The following TMEM132D variants were observed in gnomAD, a reference collection of about 807,000 sequenced individuals.
TMEM132D encodes the protein mature OL transmembrane protein.
A neutral mutation model predicts 62.3 loss-of-function variants in TMEM132D; 21 were observed. That is an observed-to-expected ratio of 0.34 (90% CI 0.24 to 0.49). The LOEUF (loss-of-function observed/expected upper bound fraction) is 0.49. Ranked by LOEUF, TMEM132D falls within the 20% of genes least tolerant of loss-of-function variation. The pLI is 0.99. For missense variants in TMEM132D, 1,346 were observed against 1,402.8 expected, an observed-to-expected ratio of 0.96 and a Z score of 0.65; for synonymous variants, 621 against 575.6, an observed-to-expected ratio of 1.08 and a Z score of -1.13.
intron 1 of TMEM132D, among the ~76,000 whole-genome samples, chr12:129,747,942 C>G (rs1341713288): frequency 1.3e-5 from 2 of 152,170 alleles, no homozygotes; most frequent in East Asian, 3.8e-4. Context: ...CACTCATCAC[C>G]GCGGACAGGC....
intron 4 of TMEM132D, among the ~76,000 whole-genome samples, chr12:129,300,269 C>T (rs1018742638): frequency 6.6e-6 from 1 of 152,174 alleles, no homozygotes; most frequent in Admixed American, 6.5e-5. Context: ...CAAAGCAAGG[C>T]AAGTTGCCAC....
Position 129,073,852 on chromosome 12 carries a change from A to T in TMEM132D, c.*23T>A, listed in dbSNP as rs747461491. On this transcript the variant is annotated 3_prime_UTR_variant, in exon 9 of 9. Transcript: ENST00000422113. ...ATTAAAGGCTGAAAGGTGAGTGAGA[A>T]CCAATGTCTGTGTGTGTCTGGCTTA... is the stretch of plus-strand genomic sequence containing the variant. 5 of 1,513,950 alleles carry T rather than the reference A, an allele frequency of 3.3e-6. No individual in the cohort carries two copies. The highest frequency in any genetic ancestry group is 2.3e-5 in the Admixed American group (1 of 44,404). The allele number at this position is 1,513,950 out of a possible 1,614,324, so 93.8% of individuals were successfully genotyped here.
chr12:129,226,540 G>A (rs763239410), intron 4 of TMEM132D, among the ~76,000 whole-genome samples: 6 of 152,206 alleles, frequency 3.9e-5, no homozygotes, highest in Non-Finnish European at 8.8e-5. Flanking sequence ...GGTGGTAATG[G>A]TCACCTGGTA....
At chr12:129,372,191 G>A (rs1870625059) in intron 3 of TMEM132D, among the ~76,000 whole-genome samples, 1 of 152,202 alleles carries the variant, frequency 6.6e-6, no homozygotes, top group African/African-American at 2.4e-5. Context: ...AAGTAGCTCT[G>A]CCAACAGCTT....
intron 3 of TMEM132D, among the ~76,000 whole-genome samples, chr12:129,343,142 C>G (rs1869552825): frequency 6.6e-6 from 1 of 152,110 alleles, no homozygotes; most frequent in East Asian, 1.9e-4. Flanking sequence ...TTTATTGCGG[C>G]ACTATTCACA....
chr12:129,886,366 G>C (rs1052613497), intron 1 of TMEM132D, among the ~76,000 whole-genome samples: 1 of 152,132 alleles, frequency 6.6e-6, no homozygotes, highest in Non-Finnish European at 1.5e-5. Context: ...CTGTGTGTGA[G>C]AGAGAGAAGA....
At chr12:129,660,168 A>G (rs987150904) in intron 2 of TMEM132D, among the ~76,000 whole-genome samples, 2 of 152,178 alleles carry the variant, frequency 1.3e-5, no homozygotes, top group African/African-American at 4.8e-5. Flanking sequence ...AGAGAGAGAG[A>G]GAGAGAGGCT....
intron 2 of TMEM132D, among the ~76,000 whole-genome samples, chr12:129,595,882 T>C (rs571591765): frequency 3.8e-4 from 58 of 152,230 alleles, no homozygotes; most frequent in Admixed American, 1.7e-3. Context: ...AGAGAAATGC[T>C]GATTTTTATG....
chr12:129,398,311 G>C (rs1296927693), intron 3 of TMEM132D, among the ~76,000 whole-genome samples: 2 of 152,170 alleles, frequency 1.3e-5, no homozygotes, highest in Non-Finnish European at 2.9e-5. Context: ...TCCCTGTGAA[G>C]CTTGTCACTT....
In TMEM132D at chr12:129,314,474, G is replaced by C. The variant is rs111694180; in HGVS notation, c.1299+23160C>G. On this transcript the variant is annotated intron_variant, in intron 4 of 8. Coordinates refer to ENST00000422113, the MANE Select transcript of TMEM132D (RefSeq NM_133448.3). ...TCTCTATTCTGTTCCATTGGTCTGTGTGCCTATTTTTATACCAGTACCATG... is the reference window on the plus strand; with the variant it reads ...TCTCTATTCTGTTCCATTGGTCTGTCTGCCTATTTTTATACCAGTACCATG... Among the ~76,000 whole-genome samples, 1,001 of 152,252 alleles carry C rather than the reference G, an allele frequency of 6.6e-3. 4 individuals are homozygous for C. The highest frequency in any genetic ancestry group is 0.01 in the Non-Finnish European group (682 of 68,006).
chr12:129,740,353 C>CA (rs1331714283), intron 1 of TMEM132D, among the ~76,000 whole-genome samples: 3 of 152,202 alleles, frequency 2.0e-5, no homozygotes, highest in Non-Finnish European at 2.9e-5. Context: ...ATTCAACAAA[C>CA]ATTCATGCTT....
intron 2 of TMEM132D, among the ~76,000 whole-genome samples, chr12:129,635,273 TTC>T (rs1879447063): frequency 6.6e-6 from 1 of 152,240 alleles, no homozygotes; most frequent in African/African-American, 2.4e-5. Context: ...CCCTCTTTCT[TTC>T]TCTCTCTTTT....
At chr12:129,894,815 A>G (rs1480599787) in intron 1 of TMEM132D, among the ~76,000 whole-genome samples, 2 of 151,960 alleles carry the variant, frequency 1.3e-5, no homozygotes, top group African/African-American at 4.8e-5. Context: ...CGAATCTCCA[A>G]GTCTTTTTAC....
At chr12:129,250,967 T>C (rs536826262) in intron 4 of TMEM132D, among the ~76,000 whole-genome samples, 2 of 152,326 alleles carry the variant, frequency 1.3e-5, no homozygotes, top group Admixed American at 1.3e-4. Context: ...TCTGAAGATG[T>C]GCTTAGTTGC....
intron 2 of TMEM132D, among the ~76,000 whole-genome samples, chr12:129,612,056 C>T (rs1032817707): frequency 6.6e-6 from 1 of 152,182 alleles, no homozygotes; most frequent in African/African-American, 2.4e-5. Context: ...CCACCCTAGA[C>T]CCAACATGCA....
At chr12:129,604,299 C>T (rs899210604) in intron 2 of TMEM132D, among the ~76,000 whole-genome samples, 3 of 152,134 alleles carry the variant, frequency 2.0e-5, no homozygotes, top group East Asian at 1.9e-4. Context: ...CAAACCTGCA[C>T]GTTCAGCACA....
intron 1 of TMEM132D, among the ~76,000 whole-genome samples, chr12:129,792,162 G>T (rs2137299324): frequency 6.6e-6 from 1 of 152,306 alleles, no homozygotes; most frequent in East Asian, 1.9e-4. Context: ...TGTCAACGAT[G>T]CTCTTGCCGG....
chr12:129,638,548 C>CATAA (rs1879550090), intron 2 of TMEM132D, among the ~76,000 whole-genome samples: 1 of 42,986 alleles, frequency 2.3e-5, no homozygotes, highest in Non-Finnish European at 5.4e-5. Context: ...TAAATATAAA[C>CATAA]ATATATAAAT....
chr12:129,133,630 T>G (rs1481068508), intron 5 of TMEM132D, among the ~76,000 whole-genome samples: 1 of 152,258 alleles, frequency 6.6e-6, no homozygotes, highest in Non-Finnish European at 1.5e-5. Context: ...ATGGTGGTGG[T>G]GGACATCTGT....
Sources: gnomAD v4.1 joint callset for allele counts (sites outside exome capture counted in the v4.1 genomes callset) on GRCh38, gnomAD v4.1.1 for gene constraint, MANE v1.5 for transcripts, NCBI Gene and HGNC (gene_info 2026-07-23, HGNC 2026-07-21) for gene names.